Variants in OR56A4 observed in about 807,000 individuals in gnomAD.
OR56A4 encodes olfactory receptor family 56 subfamily A member 4.
Under a neutral mutation model 13.6 loss-of-function variants are expected in OR56A4, and 9 were observed. That is an observed-to-expected ratio of 0.66 (90% CI 0.40 to 1.15). The LOEUF (loss-of-function observed/expected upper bound fraction) is 1.15. Ranked by LOEUF, OR56A4 falls within the 50% of genes most tolerant of loss-of-function variation. The pLI, the probability that OR56A4 is intolerant of heterozygous loss-of-function variation, is 0.01. For missense variants in OR56A4, 380 were observed against 375.9 expected, an observed-to-expected ratio of 1.01 and a Z score of -0.09; for synonymous variants, 167 against 153.9, an observed-to-expected ratio of 1.08 and a Z score of -0.63.
At position 6,000,764 on chromosome 11, in the gene OR56A4, C is replaced by T. The variant is rs921401912; in HGVS notation, c.*1287G>A. On this transcript the variant is annotated 3_prime_UTR_variant, in exon 3 of 3. Transcript: ENST00000641156. ...AATTTTCAAGAAATAATGAGCAGCT[C>T]ATTTTGGCTACAGTGGCAGAGAAAA... The T allele has an allele frequency of 1.3e-5, 2 of 152,136 alleles. No homozygotes were observed. Among genetic ancestry groups the T allele is most frequent in the African/African-American group, 4.8e-5 (2 of 41,436 alleles). 9.4% of individuals were successfully genotyped at this position (152,136 alleles called of 1,614,324 possible).
Position 6,001,963 on chromosome 11 carries a change from T to G in OR56A4, c.*88A>C. On this transcript the variant is annotated 3_prime_UTR_variant, in exon 3 of 3. Coordinates refer to ENST00000641156, the MANE Select transcript of OR56A4 (RefSeq NM_001005179.4). ...AACTCAGGCAGGATTTAAAGTGAAA[T>G]TTCCTTTCCAACATAAAATTAATTC... 1 of 1,361,150 alleles carries G rather than the reference T, an allele frequency of 7.3e-7. No individual in the cohort carries two copies. Among genetic ancestry groups the G allele is most frequent in the South Asian group, 1.6e-5 (1 of 60,764 alleles). The allele number at this position is 1,361,150 out of a possible 1,614,324, so 84.3% of individuals were successfully genotyped here.
Position 6,000,290 on chromosome 11 carries a change from A to G in OR56A4, c.*1761T>C, listed in dbSNP as rs1407224441. The G allele has an allele frequency of 1.3e-5, 2 of 152,250 alleles. No individual in the cohort carries two copies. The highest frequency in any genetic ancestry group is 2.9e-5 in the Non-Finnish European group (2 of 68,042). 9.4% of individuals were successfully genotyped at this position (152,250 alleles called of 1,614,324 possible). A position where few individuals can be genotyped will look rare whatever the true frequency, so the allele number is the denominator to read the frequency against. The stretch of plus-strand genomic sequence containing the variant: ...ATGGAATACTATGCAGCCATAAAAA[A>G]TGATGAGTTCATGTCCTTGGTAGGG... On this transcript the variant is annotated 3_prime_UTR_variant, in exon 3 of 3. Coordinates refer to ENST00000641156, the MANE Select transcript of OR56A4 (RefSeq NM_001005179.4).
Position 6,002,723 on chromosome 11 carries a change from A to C in OR56A4, c.270T>G (p.Phe90Leu). 6.2e-7 allele frequency: 1 copy of C among 1,614,250 alleles called. No homozygotes were observed. Among genetic ancestry groups the C allele is most frequent in the Non-Finnish European group, 8.5e-7 (1 of 1,180,034 alleles). Residue 90 changes from phenylalanine (F) to leucine (L), a missense_variant, in exon 3 of 3, where the codon TTT becomes TTG. Transcript: ENST00000641156. ...VIPKVLAIFW[F>L]DLRSISFPAC... ...CTGGGAAGCTGATCGACCTGAGGTC[A>C]AACCAGAAGATGGCCAGGACCTTGG...
chr11:6,000,258 C>A lies in OR56A4; in HGVS notation c.*1793G>T, dbSNP rs11606602. ...ACTGGATTAAGAAAATGTGGCACAT[C>A]TACACCATGGAATACTATGCAGCCA... is the stretch of plus-strand genomic sequence containing the variant. On this transcript the variant is annotated 3_prime_UTR_variant, in exon 3 of 3. Transcript: ENST00000641156. 0.22 allele frequency: 34,111 copies of A among 152,142 alleles called. 4,260 individuals are homozygous for A. Among genetic ancestry groups the A allele is most frequent in the Middle Eastern group, 0.3 (88 of 294 alleles). The allele number at this position is 152,142 out of a possible 1,614,324, so 9.4% of individuals were successfully genotyped here. A position where few individuals can be genotyped will look rare whatever the true frequency, so the allele number is the denominator to read the frequency against.
rs1848200985 is a variant in OR56A4 at position 5,999,642 on chromosome 11, T to A, written c.*2409A>T. 6.6e-6 allele frequency: 1 copy of A among 152,204 alleles called. No homozygotes were observed. Among genetic ancestry groups the A allele is most frequent in the Admixed American group, 6.5e-5 (1 of 15,278 alleles). The allele number at this position is 152,204 out of a possible 1,614,324, so 9.4% of individuals were successfully genotyped here. A position where few individuals can be genotyped will look rare whatever the true frequency, so the allele number is the denominator to read the frequency against. ...TGTTAGGTACTATAAGGACATATAA[T>A]AGTATAAGATTTTATTGTTGTTTCC... On this transcript the variant is annotated 3_prime_UTR_variant, in exon 3 of 3. Transcript: ENST00000641156.
In OR56A4 at chr11:6,002,400, T is replaced by C. The variant is rs148343242; in HGVS notation, c.593A>G (p.Asn198Ser). The change falls in exon 3 of 3, where the codon AAT (asparagine) becomes AGT (serine). Residue 198 changes from asparagine to serine, a missense_variant. By Grantham distance (46) the Asn-to-Ser change is conservative. Transcript: ENST00000641156. Reference protein sequence around the residue: ...SKLSCDDITFNQLYQFVAGWT... With the variant: ...SKLSCDDITFSQLYQFVAGWT... ...GCCTGCCACAAACTGGTAGAGCTGA[T>C]TGAAAGTGATGTCATCACAAGAGAG... 112 of 1,614,198 alleles carry C rather than the reference T, an allele frequency of 6.9e-5. No individual in the cohort carries two copies. In the African/African-American group the frequency reaches 1.2e-3, roughly 18 times the overall value.
At position 6,002,897 on chromosome 11, in the gene OR56A4, C is replaced by A. The variant is rs1848227863; in HGVS notation, c.96G>T (p.Leu32=). 1 of 1,613,902 alleles carries A rather than the reference C, an allele frequency of 6.2e-7. No individual in the cohort carries two copies. The highest frequency in any genetic ancestry group is 1.3e-5 in the African/African-American group (1 of 74,900). The change falls in exon 3 of 3, where the codon CTG becomes CTT. Residue 32 remains leucine (L), a synonymous_variant. Coordinates refer to ENST00000641156, the MANE Select transcript of OR56A4 (RefSeq NM_001005179.4). ...NFQSWQHWLS[L]PLSLLFLLAM... is the part of the protein sequence containing the mutation. ...CCAGGAGGAAGAGAAGGCTGAGGGG[C>A]AGAGACAACCAGTGCTGCCAGCTCT...
At position 6,006,909 on chromosome 11, in the gene OR56A4, G is replaced by A. The variant is rs1314897845; in HGVS notation, c.-192+9C>T. On this transcript the variant is annotated intron_variant, in intron 1 of 2. Coordinates refer to ENST00000641156, the MANE Select transcript of OR56A4 (RefSeq NM_001005179.4). ...CTCATAATTTCCTTGGCCCCACCTT[G>A]AGACTCACCAAATTCAGAAGGCTGT... The A allele has an allele frequency of 6.6e-6, 1 of 152,382 alleles. No homozygotes were observed. Among genetic ancestry groups the A allele is most frequent in the Non-Finnish European group, 1.5e-5 (1 of 68,230 alleles). The allele number at this position is 152,382 out of a possible 1,614,324, so 9.4% of individuals were successfully genotyped here. A position where few individuals can be genotyped will look rare whatever the true frequency, so the allele number is the denominator to read the frequency against.
rs1848258164 is a variant in OR56A4 at position 6,006,249 on chromosome 11, C to T, written c.-37G>A. 6.6e-6 allele frequency: 1 copy of T among 152,112 alleles called. No individual in the cohort carries two copies. The highest frequency in any genetic ancestry group is 2.4e-5 in the African/African-American group (1 of 41,410). The allele number at this position is 152,112 out of a possible 1,614,324, so 9.4% of individuals were successfully genotyped here. A position where few individuals can be genotyped will look rare whatever the true frequency, so the allele number is the denominator to read the frequency against. ...ATTTTCAGCCTTGTTTCATAGTTAC[C>T]TTGTAATTCCTTAATAGCTGGAATG... On this transcript the variant is annotated splice_region_variant and 5_prime_UTR_variant, in exon 2 of 3. Transcript: ENST00000641156.
At position 6,000,808 on chromosome 11, in the gene OR56A4, G is replaced by T. The variant is rs917858401; in HGVS notation, c.*1243C>A. On this transcript the variant is annotated 3_prime_UTR_variant, in exon 3 of 3. Coordinates refer to ENST00000641156, the MANE Select transcript of OR56A4 (RefSeq NM_001005179.4). ...GAGAAAACAAAGTTTAAGATAAGTC[G>T]AAAGTATGTTAGGGCTAGAATATAG... is the stretch of plus-strand genomic sequence containing the variant. 1 of 152,104 alleles carries T rather than the reference G, an allele frequency of 6.6e-6. No homozygotes were observed. The highest frequency in any genetic ancestry group is 1.5e-5 in the Non-Finnish European group (1 of 68,020). 9.4% of individuals were successfully genotyped at this position (152,104 alleles called of 1,614,324 possible). A position where few individuals can be genotyped will look rare whatever the true frequency, so the allele number is the denominator to read the frequency against.
In OR56A4 at chr11:6,000,198, G is replaced by A. The variant is rs574581928; in HGVS notation, c.*1853C>T. On this transcript the variant is annotated 3_prime_UTR_variant, in exon 3 of 3. Transcript: ENST00000641156. ...TTGCGGCACCATTCACAATAGCAAA[G>A]ACTTGGAACCAAGCCAAATGTCCAA... 6.6e-6 allele frequency: 1 copy of A among 152,290 alleles called. No homozygotes were observed. The highest frequency in any genetic ancestry group is 1.9e-4 in the East Asian group (1 of 5,182). 9.4% of individuals were successfully genotyped at this position (152,290 alleles called of 1,614,324 possible). A position where few individuals can be genotyped will look rare whatever the true frequency, so the allele number is the denominator to read the frequency against.
At chr11:6,003,495 T>A (rs942421203) in intron 2 of OR56A4, among the ~76,000 whole-genome samples, 6 of 152,176 alleles carry the variant, frequency 3.9e-5, no homozygotes, top group African/African-American at 7.2e-5. Context: ...CAGCTTTGGG[T>A]TGGTTCCCAG....
rs1050623998 is a variant in OR56A4, at chr11:6,000,298, T to A, written c.*1753A>T. The A allele has an allele frequency of 5.3e-5, 8 of 152,086 alleles. No homozygotes were observed. Among genetic ancestry groups the A allele is most frequent in the Non-Finnish European group, 1.0e-4 (7 of 68,018 alleles). The allele number at this position is 152,086 out of a possible 1,614,324, so 9.4% of individuals were successfully genotyped here. A position where few individuals can be genotyped will look rare whatever the true frequency, so the allele number is the denominator to read the frequency against. ...CTATGCAGCCATAAAAAATGATGAG[T>A]TCATGTCCTTGGTAGGGACATGGAT... On this transcript the variant is annotated 3_prime_UTR_variant, in exon 3 of 3. Transcript: ENST00000641156.
rs1848224350 is a variant in OR56A4 at position 6,002,659 on chromosome 11, T to G, written c.334A>C (p.Thr112Pro). The change falls in exon 3 of 3, where the codon ACC (threonine) becomes CCC (proline). Residue 112 changes from threonine to proline, a missense_variant. By Grantham distance (38) the Thr-to-Pro change is conservative. Coordinates refer to ENST00000641156, the MANE Select transcript of OR56A4 (RefSeq NM_001005179.4). ...ACCATGAACGTGCAGGACTCCATGG[T>G]CAAAAAACTGTTCATGATGAACATC... ...LQMFIMNSFL[T>P]MESCTFMVMA... The G allele has an allele frequency of 6.2e-7, 1 of 1,614,074 alleles. No homozygotes were observed. Among genetic ancestry groups the G allele is most frequent in the Non-Finnish European group, 8.5e-7 (1 of 1,180,010 alleles).
rs1023450530 is a variant in OR56A4, at chr11:6,000,629, A to T, written c.*1422T>A. The T allele has an allele frequency of 2.6e-5, 4 of 152,190 alleles. No individual in the cohort carries two copies. Among genetic ancestry groups the T allele is most frequent in the Non-Finnish European group, 4.4e-5 (3 of 68,036 alleles). 9.4% of individuals were successfully genotyped at this position (152,190 alleles called of 1,614,324 possible). A position where few individuals can be genotyped will look rare whatever the true frequency, so the allele number is the denominator to read the frequency against. ...AAAACATAATAAAAAAATAAAAAAT[A>T]AAAAAACCTGGTAGGAAAGATGGGG... is the stretch of plus-strand genomic sequence containing the variant. On this transcript the variant is annotated 3_prime_UTR_variant, in exon 3 of 3. Transcript: ENST00000641156.
At chr11:6,005,707 T>C (rs1413487524) in intron 2 of OR56A4, among the ~76,000 whole-genome samples, 4 of 152,214 alleles carry the variant, frequency 2.6e-5, no homozygotes, top group Non-Finnish European at 5.9e-5. Flanking sequence ...CTAGAGCTCA[T>C]TTCTTAGTTC....
chr11:6,004,796 C>G (rs1182251747), intron 2 of OR56A4, among the ~76,000 whole-genome samples: 1 of 152,128 alleles, frequency 6.6e-6, no homozygotes. Flanking sequence ...TCAAGTATAG[C>G]TACTCTGAAT....
chr11:6,006,720 C>G (rs1019744708), intron 1 of OR56A4, among the ~76,000 whole-genome samples, 198 bp downstream of exon 1: 17 of 152,320 alleles, frequency 1.1e-4, no homozygotes, highest in African/African-American at 4.1e-4. Flanking sequence ...ATGACTTAGC[C>G]TCAGCTCTGA....
At chr11:6,004,598 A>C (rs1371467626) in intron 2 of OR56A4, among the ~76,000 whole-genome samples, 2 of 152,202 alleles carry the variant, frequency 1.3e-5, no homozygotes, top group African/African-American at 4.8e-5. Flanking sequence ...TATTTAAAAA[A>C]ATTTACCCAT....
Sources: allele counts gnomAD v4.1 joint callset (sites outside exome capture counted in the v4.1 genomes callset), GRCh38; gene constraint gnomAD v4.1.1; transcripts MANE v1.5; gene names NCBI Gene and HGNC (gene_info 2026-07-23, HGNC 2026-07-21).